S100A1: variants seen among roughly 807,000 people sequenced by gnomAD.
The protein encoded by S100A1 is protein S100-A1.
In S100A1, 3 loss-of-function variants were observed where a neutral mutation model predicts 7.6. The ratio of observed to expected loss-of-function variants is 0.40; its 90% CI spans 0.18 to 1.02. The LOEUF (loss-of-function observed/expected upper bound fraction) is 1.02. Among genes scored for constraint, S100A1 ranks in the 50% least tolerant of loss-of-function variants. The pLI, the probability that S100A1 is intolerant of heterozygous loss-of-function variation, is 0.35. For missense variants in S100A1, 126 were observed against 115.0 expected, an observed-to-expected ratio of 1.10 and a Z score of -0.44; for synonymous variants, 49 against 49.0, an observed-to-expected ratio of 1.00 and a Z score of 0.00.
At chr1:153,628,786 CCCT>C in intron 1 of S100A1, 1 of 441,152 alleles carries the variant, frequency 2.3e-6, no homozygotes, top group East Asian at 3.6e-5. Context: ...CCACAGGGAG[CCCT>C]CAAGTCCCTG....
Position 153,630,526 on chromosome 1 carries a change from GCT to G in S100A1, c.8_9del (p.Ser3Ter), listed in dbSNP as rs1667949299. The G allele has an allele frequency of 6.2e-7, 1 of 1,614,182 alleles. No homozygotes were observed. Among genetic ancestry groups the G allele is most frequent in the Admixed American group, 1.7e-5 (1 of 60,030 alleles). ...GTGGGTAGGTGCACTGCTGCAATGG[GCT>G]CTGAGCTGGAGACGGCGATGGAGAC... On this transcript the variant is annotated frameshift_variant, in exon 2 of 3. Coordinates refer to ENST00000292169, the MANE Select transcript of S100A1 (RefSeq NM_006271.2). LOFTEE classifies it high-confidence loss of function.
In S100A1 at chr1:153,630,551, G is replaced by C. The variant is rs1362392736; in HGVS notation, c.30G>C (p.Glu10Asp). The change falls in exon 2 of 3, where the codon GAG becomes GAC. Residue 10 changes from glutamate to aspartate, a missense_variant. Transcript: ENST00000292169. Reference protein sequence around the residue: MGSELETAMETLINVFHAHS... With the variant: MGSELETAMDTLINVFHAHS... ...GCTCTGAGCTGGAGACGGCGATGGA[G>C]ACCCTCATCAACGTGTTCCACGCCC... 4.3e-6 allele frequency: 7 copies of C among 1,614,140 alleles called. No homozygotes were observed. Among genetic ancestry groups the C allele is most frequent in the Admixed American group, 1.7e-5 (1 of 60,012 alleles).
At chr1:153,628,859 T>C in intron 1 of S100A1, 1 of 266,098 alleles carries the variant, frequency 3.8e-6, no homozygotes, top group Non-Finnish European at 7.3e-6. Flanking sequence ...CTGCCTCGCC[T>C]CCTGTGGGGT....
intron 2 of S100A1, chr1:153,631,172 C>A (rs41302536): frequency 8.1e-4 from 302 of 372,674 alleles, no homozygotes; most frequent in African/African-American, 5.9e-3. Flanking sequence ...TTTCATTCAA[C>A]TGGCATGAAG....
In S100A1 at chr1:153,631,706, G is replaced by A. The variant is rs1351676941; in HGVS notation, c.150G>A (p.Lys50=). 1 of 1,614,170 alleles carries A rather than the reference G, an allele frequency of 6.2e-7. No homozygotes were observed. Among genetic ancestry groups the A allele is most frequent in the East Asian group, 2.2e-5 (1 of 44,890 alleles). The change falls in exon 3 of 3, where the codon AAG becomes AAA. Residue 50 remains lysine (K), a synonymous_variant. Transcript: ENST00000292169. ...TELSGFLDAQ[K]DVDAVDKVMK... is the part of the protein sequence containing the mutation. ...CTCTCCTCCCACCACAGGCCCAGAA[G>A]GATGTGGATGCTGTGGACAAGGTGA...
At position 153,631,741 on chromosome 1, in the gene S100A1, T is replaced by C. The variant is rs772428031; in HGVS notation, c.185T>C (p.Leu62Pro). 2 of 1,614,216 alleles carry C rather than the reference T, an allele frequency of 1.2e-6. No individual in the cohort carries two copies. Among genetic ancestry groups the C allele is most frequent in the South Asian group, 2.2e-5 (2 of 91,082 alleles). The part of the protein sequence containing the change: ...VDAVDKVMKE[L>P]DENGDGEVDF... Reference sequence around the variant, plus strand: ...GCTGTGGACAAGGTGATGAAGGAGCTAGACGAGAATGGAGACGGGGAGGTG... The same window carrying C: ...GCTGTGGACAAGGTGATGAAGGAGCCAGACGAGAATGGAGACGGGGAGGTG... Residue 62 changes from leucine to proline, a missense_variant, in exon 3 of 3, where the codon CTA (leucine) becomes CCA (proline). Coordinates refer to ENST00000292169, the MANE Select transcript of S100A1 (RefSeq NM_006271.2).
chr1:153,631,900 C>A lies in S100A1; in HGVS notation c.*59C>A. 2 of 1,583,348 alleles carry A rather than the reference C, an allele frequency of 1.3e-6. No homozygotes were observed. The highest frequency in any genetic ancestry group is 1.7e-6 in the Non-Finnish European group (2 of 1,165,256). ...CCACCCTCCCAGACCTGCCTCTTCCCCCTGCTTCCACCTCACCCCACTTAT... is the reference window on the plus strand; with the variant it reads ...CCACCCTCCCAGACCTGCCTCTTCCACCTGCTTCCACCTCACCCCACTTAT... On this transcript the variant is annotated 3_prime_UTR_variant, in exon 3 of 3. Transcript: ENST00000292169.
At chr1:153,631,258 C>G in intron 2 of S100A1, 1 of 585,478 alleles carries the variant, frequency 1.7e-6, no homozygotes, top group Non-Finnish European at 3.0e-6. Context: ...AGAAAGTGCA[C>G]CGGTTTTGAG....
chr1:153,629,238 G>C (rs1667864835), intron 1 of S100A1: 1 of 152,228 alleles, frequency 6.6e-6, no homozygotes, highest in Admixed American at 6.6e-5. Flanking sequence ...CTCTGGCATG[G>C]AGCAGGTAAT....
intron 2 of S100A1, 146 bp from the exon 3 acceptor site, chr1:153,631,552 C>T (rs1557931966): frequency 6.2e-7 from 1 of 1,613,910 alleles, no homozygotes; most frequent in Admixed American, 1.7e-5. Context: ...GCCCTCAAGA[C>T]CTTTGAGGAG....
chr1:153,628,632 G>A lies in S100A1; in HGVS notation c.-14+136G>A, dbSNP rs1445697569. On this transcript the variant is annotated intron_variant, in intron 1 of 2. Coordinates refer to ENST00000292169, the MANE Select transcript of S100A1 (RefSeq NM_006271.2). ...TCTGGGAGGAGTCAGTCAGGGTGAGGGCAGTTTGGGATTTGGGGGAGACAG... is the reference window on the plus strand; with the variant it reads ...TCTGGGAGGAGTCAGTCAGGGTGAGAGCAGTTTGGGATTTGGGGGAGACAG... 5 of 1,399,138 alleles carry A rather than the reference G, an allele frequency of 3.6e-6. No homozygotes were observed. The East Asian group carries it at 1.3e-4, about 35-fold the overall frequency. 86.7% of individuals were successfully genotyped at this position (1,399,138 alleles called of 1,614,324 possible). A position where few individuals can be genotyped will look rare whatever the true frequency, so the allele number is the denominator to read the frequency against.
chr1:153,630,868 T>A, intron 2 of S100A1: 1 of 597,210 alleles, frequency 1.7e-6, no homozygotes, highest in Non-Finnish European at 2.9e-6. Context: ...ACCTGTTAAG[T>A]GTTAGGCCCT....
intron 1 of S100A1, 64 bp downstream of exon 1, chr1:153,628,560 A>T: frequency 1.3e-6 from 2 of 1,541,966 alleles, no homozygotes; most frequent in Non-Finnish European, 1.8e-6. Flanking sequence ...GGGTCTTCAG[A>T]AGGGCTCCAA....
At chr1:153,631,518 G>C in intron 2 of S100A1, 180 bp from the exon 3 acceptor site, 2 of 1,613,416 alleles carry the variant, frequency 1.2e-6, no homozygotes, top group Non-Finnish European at 1.7e-6. Flanking sequence ...CCAGGTGAAA[G>C]AGCTTATGCT....
At chr1:153,630,382 G>A (rs1667933927) in intron 1 of S100A1, 127 bp from the exon 2 acceptor site, 2 of 1,165,392 alleles carry the variant, frequency 1.7e-6, no homozygotes, top group South Asian at 1.6e-5. Context: ...AAGATCAATT[G>A]CAGTAGGGCT....
intron 2 of S100A1, chr1:153,630,996 TGA>T (rs1667981408): frequency 2.7e-6 from 1 of 375,208 alleles, no homozygotes; most frequent in South Asian, 4.9e-5. Flanking sequence ...GAAAGGGTTA[TGA>T]GAGATTATTA....
intron 1 of S100A1, 51 bp downstream of exon 1, chr1:153,628,547 G>A (rs1667814006): frequency 1.3e-6 from 2 of 1,547,694 alleles, no homozygotes; most frequent in Non-Finnish European, 1.7e-6. Context: ...GCTTCAGGGA[G>A]AGGGGTCTTC....
In S100A1 at chr1:153,630,542, G is replaced by A. The variant is rs142954586; in HGVS notation, c.21G>A (p.Thr7=). 1.8e-4 allele frequency: 291 copies of A among 1,614,228 alleles called. No homozygotes were observed. Among genetic ancestry groups the A allele is most frequent in the Admixed American group, 2.3e-4 (14 of 60,030 alleles). Residue 7 remains threonine, a synonymous_variant, in exon 2 of 3, where the codon ACG becomes ACA. Transcript: ENST00000292169. Reference sequence around the variant, plus strand: ...CTGCAATGGGCTCTGAGCTGGAGACGGCGATGGAGACCCTCATCAACGTGT... The same window carrying A: ...CTGCAATGGGCTCTGAGCTGGAGACAGCGATGGAGACCCTCATCAACGTGT... The part of the protein sequence containing the change: MGSELE[T]AMETLINVFH...
At chr1:153,630,945 A>G (rs189500201) in intron 2 of S100A1, 9 of 460,264 alleles carry the variant, frequency 2.0e-5, no homozygotes, top group Non-Finnish European at 3.1e-5. Flanking sequence ...AAAGTAAACC[A>G]TGAACTCCAG....
Sources: gnomAD v4.1 joint callset for allele counts on GRCh38, gnomAD v4.1.1 for gene constraint, MANE v1.5 for transcripts, NCBI Gene and HGNC (gene_info 2026-07-23, HGNC 2026-07-21) for gene names.